Variants in LUZP2 observed in about 807,000 individuals in gnomAD.
LUZP2 encodes leucine zipper protein 2.
In LUZP2, 52 loss-of-function variants were observed where a neutral mutation model predicts 51.6. The observed-to-expected ratio is 1.01, with a 90% confidence interval of 0.81 to 1.27. The LOEUF (loss-of-function observed/expected upper bound fraction) is 1.27, where lower values mean the gene tolerates loss of function less well. Ranked by LOEUF, LUZP2 falls within the 50% of genes most tolerant of loss-of-function variation. LUZP2 has a pLI of 0.00. For missense variants in LUZP2, 436 were observed against 395.4 expected (o/e 1.10, Z -0.87); for synonymous variants, 154 against 137.3 (o/e 1.12, Z -0.85).
chr11:24,944,580 G>A (rs1036460584), intron 7 of LUZP2, among the ~76,000 whole-genome samples: 3 of 152,132 alleles, frequency 2.0e-5, no homozygotes, highest in Non-Finnish European at 4.4e-5. Flanking sequence ...TGGGGACATA[G>A]TGTTATTGTT....
intron 9 of LUZP2, among the ~76,000 whole-genome samples, chr11:24,997,035 T>C (rs1236509449): frequency 2.0e-5 from 3 of 149,868 alleles, no homozygotes; most frequent in East Asian, 1.9e-4. Flanking sequence ...ACATTTGGGT[T>C]GGTTCCAAGT....
At chr11:24,581,812 A>G (rs1590205900) in intron 1 of LUZP2, among the ~76,000 whole-genome samples, 2 of 152,056 alleles carry the variant, frequency 1.3e-5, no homozygotes, top group Admixed American at 6.6e-5. Flanking sequence ...TTTAACTCTC[A>G]CAACAAAGTT....
intron 8 of LUZP2, among the ~76,000 whole-genome samples, chr11:24,978,965 G>A: frequency 6.6e-6 from 1 of 151,818 alleles, no homozygotes; most frequent in African/African-American, 2.4e-5. Context: ...AGAGGCTGAT[G>A]TTGTAGTGGT....
At chr11:24,872,824 A>G (rs1204076307) in intron 5 of LUZP2, among the ~76,000 whole-genome samples, 1 of 152,174 alleles carries the variant, frequency 6.6e-6, no homozygotes, top group Non-Finnish European at 1.5e-5. Context: ...AGAAGCATAC[A>G]TTACAGATGG....
rs528058379 is a variant in LUZP2, at chr11:24,871,683, T to A, written c.397-34308T>A. On this transcript the variant is annotated intron_variant, in intron 5 of 11. Transcript: ENST00000336930. ...TTTAATCACAGAATTGTTTGTGATGTTATTTCTATGAATCTTTCATAGAGC... is the reference window on the plus strand; with the variant it reads ...TTTAATCACAGAATTGTTTGTGATGATATTTCTATGAATCTTTCATAGAGC... Among the ~76,000 whole-genome samples the A allele has an allele frequency of 6.6e-5, 10 of 152,160 alleles. No homozygotes were observed. The East Asian group carries it at 1.5e-3, about 24-fold the overall frequency.
intron 4 of LUZP2, among the ~76,000 whole-genome samples, chr11:24,750,990 C>T (rs1484509088): frequency 6.6e-6 from 1 of 152,016 alleles, no homozygotes; most frequent in African/African-American, 2.4e-5. Context: ...GTGATTTTAC[C>T]AGAAACTTAC....
At chr11:25,018,510 CCATT>C (rs1217529675) in intron 9 of LUZP2, among the ~76,000 whole-genome samples, 1 of 151,952 alleles carries the variant, frequency 6.6e-6, no homozygotes, top group Non-Finnish European at 1.5e-5. Context: ...TTATTCTCCT[CCATT>C]CATTTATTCA....
chr11:24,504,838 A>G (rs930206262), intron 1 of LUZP2, among the ~76,000 whole-genome samples: 6 of 152,136 alleles, frequency 3.9e-5, no homozygotes, highest in Non-Finnish European at 8.8e-5. Flanking sequence ...CGGGGAACTA[A>G]CCCAATGAAT....
chr11:24,710,988 A>C (rs1857794071), intron 1 of LUZP2, among the ~76,000 whole-genome samples: 1 of 146,360 alleles, frequency 6.8e-6, no homozygotes, highest in South Asian at 2.1e-4. Context: ...GAAAGAAGGG[A>C]GGGAGGTAGA....
At chr11:24,592,169 T>C (rs1853282423) in intron 1 of LUZP2, among the ~76,000 whole-genome samples, 1 of 152,216 alleles carries the variant, frequency 6.6e-6, no homozygotes, top group Non-Finnish European at 1.5e-5. Flanking sequence ...ACTAACTACC[T>C]TAACTGGGAT....
intron 1 of LUZP2, among the ~76,000 whole-genome samples, chr11:24,714,332 G>C (rs942452201): frequency 2.6e-5 from 4 of 151,944 alleles, no homozygotes; most frequent in African/African-American, 9.7e-5. Flanking sequence ...AAAACAAAAA[G>C]AAAATATGCT....
At chr11:24,683,768 AC>A (rs1856817199) in intron 1 of LUZP2, among the ~76,000 whole-genome samples, 1 of 152,186 alleles carries the variant, frequency 6.6e-6, no homozygotes, top group African/African-American at 2.4e-5. Context: ...TCTTGCACTT[AC>A]CACTGCCCCT....
intron 1 of LUZP2, among the ~76,000 whole-genome samples, chr11:24,568,776 A>G (rs1852331503): frequency 6.6e-6 from 1 of 152,080 alleles, no homozygotes. Flanking sequence ...ATTTAAACCT[A>G]TATAAATTCA....
rs1859415453 is a variant in LUZP2, at chr11:25,079,709, T to G, written c.*1051T>G. 6.6e-6 allele frequency: 1 copy of G among 152,164 alleles called. No individual in the cohort carries two copies. Among genetic ancestry groups the G allele is most frequent in the Non-Finnish European group, 1.5e-5 (1 of 67,980 alleles). 9.4% of individuals were successfully genotyped at this position (152,164 alleles called of 1,614,324 possible). A position where few individuals can be genotyped will look rare whatever the true frequency, so the allele number is the denominator to read the frequency against. On this transcript the variant is annotated 3_prime_UTR_variant, in exon 12 of 12. Coordinates refer to ENST00000336930, the MANE Select transcript of LUZP2 (RefSeq NM_001009909.4). The stretch of plus-strand genomic sequence containing the variant: ...AATTGACCCTTGAATAATTATCTGA[T>G]TAATAGGTTTCATAGGGCATTCAAA...
chr11:24,653,680 G>A (rs1487695067), intron 1 of LUZP2, among the ~76,000 whole-genome samples: 4 of 152,116 alleles, frequency 2.6e-5, no homozygotes, highest in East Asian at 3.9e-4. Flanking sequence ...TGCACCTACC[G>A]CTGGGGTTGA....
intron 1 of LUZP2, among the ~76,000 whole-genome samples, chr11:24,685,025 C>CTG (rs5741709): frequency 1.7e-3 from 245 of 147,922 alleles, no homozygotes; most frequent in African/African-American, 3.5e-3. Context: ...GTATTTTGCT[C>CTG]TGTGTGTGTG....
At chr11:24,707,237 A>G (rs1330218691) in intron 1 of LUZP2, among the ~76,000 whole-genome samples, 1 of 151,940 alleles carries the variant, frequency 6.6e-6, no homozygotes, top group African/African-American at 2.4e-5. Flanking sequence ...CAAAGCTTAT[A>G]TTCAAATCTA....
rs2133718614 is a variant in LUZP2, at chr11:24,541,647, G to C, written c.62+44342G>C. Among the ~76,000 whole-genome samples the C allele has an allele frequency of 1.3e-5, 2 of 152,184 alleles. 1 individual carries two copies. The highest frequency in any genetic ancestry group is 6.8e-3 in the Middle Eastern group (2 of 294). The stretch of plus-strand genomic sequence containing the variant: ...ACAATTGATTATGTTGACTACTGAA[G>C]ACATGGAAACTATGCTTTGGATGCA... On this transcript the variant is annotated intron_variant, in intron 1 of 11. Transcript: ENST00000336930.
chr11:24,710,326 G>T (rs1420911021), intron 1 of LUZP2, among the ~76,000 whole-genome samples: 2 of 152,012 alleles, frequency 1.3e-5, no homozygotes, highest in Admixed American at 1.3e-4. Flanking sequence ...GATACAGTTT[G>T]CAGAATGGCA....
Sources: allele counts gnomAD v4.1 joint callset (sites outside exome capture counted in the v4.1 genomes callset), GRCh38; gene constraint gnomAD v4.1.1; transcripts MANE v1.5; gene names NCBI Gene and HGNC (gene_info 2026-07-23, HGNC 2026-07-21).